Variants in PCDHA2 observed in about 807,000 individuals in gnomAD.
The protein encoded by PCDHA2 is protocadherin alpha-2.
A neutral mutation model predicts 66.0 loss-of-function variants in PCDHA2; 58 were observed. The ratio of observed to expected loss-of-function variants is 0.88; its 90% CI spans 0.71 to 1.09. The LOEUF is 1.09. PCDHA2 is among the 50% of genes least tolerant of loss of function. The probability of loss-of-function intolerance (pLI) is 0.00; values close to 1 mark genes in which losing one functional copy is unlikely to be tolerated. For missense variants in PCDHA2, 1,267 were observed against 1,242.3 expected, an observed-to-expected ratio of 1.02 and a Z score of -0.30; for synonymous variants, 634 against 554.0, an observed-to-expected ratio of 1.14 and a Z score of -2.03.
chr5:140,969,636 T>C (rs2096349824), intron 1 of PCDHA2: 1 of 212,100 alleles, frequency 4.7e-6, no homozygotes, highest in Non-Finnish European at 8.1e-6. Context: ...GGACAGGCCT[T>C]GGAATAGGGA....
chr5:140,803,289 G>C (rs781851356), intron 1 of PCDHA2: 2 of 1,614,088 alleles, frequency 1.2e-6, no homozygotes, highest in Non-Finnish European at 1.7e-6. Flanking sequence ...GGATGTCAAC[G>C]TGTACTTGAT....
At chr5:140,856,352 A>G in intron 1 of PCDHA2, 1 of 1,598,598 alleles carries the variant, frequency 6.3e-7, no homozygotes, top group South Asian at 1.1e-5. Context: ...CGTGGAGTGC[A>G]GCATCCACCT....
intron 1 of PCDHA2, among the ~76,000 whole-genome samples, chr5:140,937,282 C>T (rs2091446146): frequency 6.6e-6 from 1 of 152,060 alleles, no homozygotes; most frequent in Admixed American, 6.6e-5. Context: ...CGTGATTCAC[C>T]CGCTTCGGCC....
chr5:141,004,982 A>G (rs1445212778), intron 3 of PCDHA2, among the ~76,000 whole-genome samples: 2 of 152,234 alleles, frequency 1.3e-5, no homozygotes, highest in African/African-American at 2.4e-5. Flanking sequence ...TTGCAGTATC[A>G]TTATCTTGGT....
chr5:140,926,629 G>A, intron 1 of PCDHA2: 1 of 406,364 alleles, frequency 2.5e-6, no homozygotes, highest in African/African-American at 2.1e-5. Context: ...GCGGCGCTGC[G>A]CTCCTCAACA....
chr5:140,848,498 G>A, intron 1 of PCDHA2: 1 of 1,584,262 alleles, frequency 6.3e-7, no homozygotes. Context: ...TATTTGAAAT[G>A]TTATACTCAA....
intron 1 of PCDHA2, among the ~76,000 whole-genome samples, chr5:140,930,742 A>G (rs2087064675): frequency 6.6e-6 from 1 of 152,216 alleles, no homozygotes; most frequent in Non-Finnish European, 1.5e-5. Context: ...AATAAAATAA[A>G]TTTACATATG....
rs782301019 is a variant in PCDHA2 at position 140,876,753 on chromosome 5, G to T, written c.2388+79401G>T. On this transcript the variant is annotated intron_variant, in intron 1 of 3. Coordinates refer to ENST00000526136, the MANE Select transcript of PCDHA2 (RefSeq NM_018905.3). ...CGGCCTATGAGCTGGTGGTGACTGC[G>T]CGGGATGGGGGCTCGCCTTCGCTGT... is the stretch of plus-strand genomic sequence containing the variant. 1.1e-5 allele frequency: 17 copies of T among 1,614,128 alleles called. No homozygotes were observed. In the Admixed American group the frequency reaches 2.8e-4, roughly 27 times the overall value.
intron 1 of PCDHA2, among the ~76,000 whole-genome samples, chr5:140,923,034 C>T (rs1252133915): frequency 6.6e-6 from 1 of 152,174 alleles, no homozygotes; most frequent in Non-Finnish European, 1.5e-5. Context: ...TCTATTACTA[C>T]ATGTATAGTA....
chr5:140,851,638 T>C, intron 1 of PCDHA2: 1 of 915,858 alleles, frequency 1.1e-6, no homozygotes, highest in Non-Finnish European at 1.3e-6. Flanking sequence ...AAGTGTTTCC[T>C]TTCTTCAAGA....
chr5:140,842,319 A>G (rs1777874490), intron 1 of PCDHA2: 10 of 1,608,046 alleles, frequency 6.2e-6, no homozygotes, highest in Non-Finnish European at 8.5e-6. Context: ...ATGGCGGGTC[A>G]TTGCACCGTT....
intron 1 of PCDHA2, chr5:140,823,598 A>T: frequency 6.2e-7 from 1 of 1,614,002 alleles, no homozygotes; most frequent in Non-Finnish European, 8.5e-7. Context: ...TGGCTTTCGT[A>T]TGAGCTGCAG....
intron 1 of PCDHA2, among the ~76,000 whole-genome samples, chr5:140,922,964 GTGGCA>G (rs1293947003): frequency 6.6e-6 from 1 of 152,186 alleles, no homozygotes; most frequent in East Asian, 1.9e-4. Context: ...TCTTCAGCCA[GTGGCA>G]TATCTCAGAC....
intron 1 of PCDHA2, among the ~76,000 whole-genome samples, chr5:140,838,259 G>T (rs975965491): frequency 6.8e-6 from 1 of 146,930 alleles, no homozygotes; most frequent in Admixed American, 6.9e-5. Flanking sequence ...GATTAAAGAC[G>T]CCAACAACCA....
At chr5:140,828,859 C>A in intron 1 of PCDHA2, 3 of 1,614,200 alleles carry the variant, frequency 1.9e-6, no homozygotes, top group East Asian at 4.5e-5. Context: ...AAAATGCAGA[C>A]AACGGAACAA....
chr5:141,010,202 G>A lies in PCDHA2; in HGVS notation c.*265G>A, dbSNP rs1354578914. The A allele has an allele frequency of 2.5e-5, 39 of 1,551,826 alleles. No homozygotes were observed. The highest frequency in any genetic ancestry group is 3.1e-5 in the Non-Finnish European group (36 of 1,147,058). On this transcript the variant is annotated 3_prime_UTR_variant, in exon 4 of 4. Transcript: ENST00000526136. ...CAGACCCAAGTTTCCTTTCTCCTCCGCCGCAAAGGAGAGGCTTCCCAGCCC... is the reference window on the plus strand; with the variant it reads ...CAGACCCAAGTTTCCTTTCTCCTCCACCGCAAAGGAGAGGCTTCCCAGCCC...
chr5:140,966,620 G>A lies in PCDHA2; in HGVS notation c.2389-12329G>A, dbSNP rs2096027901. 8 of 837,888 alleles carry A rather than the reference G, an allele frequency of 9.5e-6. No homozygotes were observed. The East Asian group carries it at 2.6e-4, about 27-fold the overall frequency. 51.9% of individuals were successfully genotyped at this position (837,888 alleles called of 1,614,324 possible). A position where few individuals can be genotyped will look rare whatever the true frequency, so the allele number is the denominator to read the frequency against. On this transcript the variant is annotated intron_variant, in intron 1 of 3. Transcript: ENST00000526136. ...GAGCCCTTGGGAGGGCCTACGGAGG[G>A]AGCGGCCCCAGGCGCTTTCTAGAGC...
chr5:140,806,996 G>T (rs887947620), intron 1 of PCDHA2: 4 of 693,592 alleles, frequency 5.8e-6, no homozygotes, highest in South Asian at 3.9e-5. Flanking sequence ...ACATGATGTC[G>T]CTCTTTACCA....
At chr5:140,808,268 G>T (rs569401882) in intron 1 of PCDHA2, 2 of 1,614,250 alleles carry the variant, frequency 1.2e-6, no homozygotes, top group South Asian at 2.2e-5. Flanking sequence ...TCCAATTAGA[G>T]AGGACGCTCC....
Sources: gnomAD v4.1 joint callset for allele counts (sites outside exome capture counted in the v4.1 genomes callset) on GRCh38, gnomAD v4.1.1 for gene constraint, MANE v1.5 for transcripts, NCBI Gene and HGNC (gene_info 2026-07-23, HGNC 2026-07-21) for gene names.